The following PBX3 variants were observed in gnomAD, a reference collection of about 807,000 sequenced individuals.
PBX3 encodes pre-B-cell leukemia transcription factor 3.
A neutral mutation model predicts 48.5 loss-of-function variants in PBX3; 14 were observed. That is an observed-to-expected ratio of 0.29 (90% CI 0.19 to 0.45). PBX3 has a LOEUF of 0.45. Among genes scored for constraint, PBX3 ranks in the 20% least tolerant of loss-of-function variants. The pLI, the probability that PBX3 is intolerant of heterozygous loss-of-function variation, is 1.00. For missense variants in PBX3, 386 were observed against 546.7 expected, an observed-to-expected ratio of 0.71 and a Z score of 2.93; for synonymous variants, 210 against 200.3, an observed-to-expected ratio of 1.05 and a Z score of -0.41.
At chr9:125,768,711 T>C (rs1035848687) in intron 2 of PBX3, among the ~76,000 whole-genome samples, 3 of 152,212 alleles carry the variant, frequency 2.0e-5, no homozygotes, top group Admixed American at 1.3e-4. Context: ...TGAAGAAATA[T>C]CTGGCCTCAT....
intron 2 of PBX3, among the ~76,000 whole-genome samples, chr9:125,870,888 A>G (rs1840105596): frequency 6.6e-6 from 1 of 152,174 alleles, no homozygotes. Flanking sequence ...AGTTTTGCTG[A>G]GGGTGTGGAG....
chr9:125,921,339 C>T (rs1841452962), intron 3 of PBX3, among the ~76,000 whole-genome samples: 1 of 150,968 alleles, frequency 6.6e-6, no homozygotes. Context: ...TTTTTTTCAA[C>T]TTCTTTGGAA....
At chr9:125,876,802 CTTTT>C (rs59596389) in intron 2 of PBX3, among the ~76,000 whole-genome samples, 51 of 128,952 alleles carry the variant, frequency 4.0e-4, no homozygotes, top group East Asian at 1.1e-3. Context: ...TTCTTTCTTT[CTTTT>C]TTTTTTTTTT....
At chr9:125,953,005 C>CT (rs1842224920) in intron 5 of PBX3, among the ~76,000 whole-genome samples, 1 of 151,526 alleles carries the variant, frequency 6.6e-6, no homozygotes, top group Non-Finnish European at 1.5e-5. Context: ...AAAAAAAAGA[C>CT]TCATGGTGTA....
intron 2 of PBX3, among the ~76,000 whole-genome samples, chr9:125,811,457 T>G (rs1294923265): frequency 1.3e-5 from 2 of 152,116 alleles, no homozygotes; most frequent in Non-Finnish European, 2.9e-5. Context: ...CTCATGATAG[T>G]GAATGGGTTC....
At chr9:125,867,582 G>T (rs1273034309) in intron 2 of PBX3, among the ~76,000 whole-genome samples, 1 of 148,024 alleles carries the variant, frequency 6.8e-6, no homozygotes, top group African/African-American at 2.5e-5. Context: ...GGAGGTTGCA[G>T]TGAGCCGAGA....
intron 2 of PBX3, among the ~76,000 whole-genome samples, chr9:125,778,537 G>T (rs1024256222): frequency 1.3e-5 from 2 of 151,584 alleles, no homozygotes; most frequent in African/African-American, 4.8e-5. Context: ...GATTACAGGC[G>T]TGAGCCACTG....
intron 2 of PBX3, among the ~76,000 whole-genome samples, chr9:125,861,289 A>G (rs1007420581): frequency 2.6e-5 from 4 of 151,786 alleles, no homozygotes; most frequent in African/African-American, 7.3e-5. Context: ...ATAAAGTGAG[A>G]CCCTGTCTCC....
intron 4 of PBX3, among the ~76,000 whole-genome samples, chr9:125,930,567 C>G (rs989141945): frequency 6.6e-6 from 1 of 152,178 alleles, no homozygotes; most frequent in African/African-American, 2.4e-5. Context: ...TTTTGTTTTT[C>G]TTTCTTCTCC....
At chr9:125,853,541 A>G (rs751755735) in intron 2 of PBX3, among the ~76,000 whole-genome samples, 1 of 152,210 alleles carries the variant, frequency 6.6e-6, no homozygotes, top group Non-Finnish European at 1.5e-5. Context: ...CTGACCCGGG[A>G]TGCCACAAAT....
In PBX3 at chr9:125,792,056, A is replaced by ACG. The variant is rs1588150193; in HGVS notation, c.274+43435_274+43436dup. On this transcript the variant is annotated intron_variant, in intron 2 of 8. Transcript: ENST00000373489. ...ACTACACACACACACGCACGCACGC[A>ACG]CGCACGCACGCACGCACGCATATAA... Among the ~76,000 whole-genome samples, 4 of 149,364 alleles carry ACG rather than the reference A, an allele frequency of 2.7e-5. No homozygotes were observed. In the South Asian group the frequency reaches 8.4e-4, roughly 31 times the overall value.
chr9:125,894,052 T>C (rs1323022879), intron 2 of PBX3, among the ~76,000 whole-genome samples: 1 of 152,184 alleles, frequency 6.6e-6, no homozygotes, highest in African/African-American at 2.4e-5. Flanking sequence ...TGGCTACATA[T>C]AGTTGCACAA....
intron 5 of PBX3, among the ~76,000 whole-genome samples, chr9:125,953,332 C>G (rs933233316): frequency 1.9e-4 from 29 of 152,022 alleles, no homozygotes; most frequent in African/African-American, 7.0e-4. Context: ...TAAAAATTAG[C>G]CGGCCGTAGT....
chr9:125,869,336 T>C (rs975353246), intron 2 of PBX3, among the ~76,000 whole-genome samples: 6 of 152,116 alleles, frequency 3.9e-5, no homozygotes, highest in African/African-American at 1.4e-4. Flanking sequence ...ATTAAAAAAT[T>C]GGAGAAGAAG....
intron 2 of PBX3, chr9:125,749,636 G>A (rs1414033366): frequency 6.6e-6 from 1 of 150,920 alleles, no homozygotes; most frequent in South Asian, 2.1e-4. Context: ...AGGCAAAGGA[G>A]AAAAAGTTGA....
Position 125,787,996 on chromosome 9 carries a change from T to C in PBX3, c.274+39373T>C, listed in dbSNP as rs1837502492. 1.3e-5 allele frequency among the ~76,000 whole-genome samples: 2 copies of C among 152,190 alleles called. 1 individual carries two copies. Among genetic ancestry groups the C allele is most frequent in the South Asian group, 4.1e-4 (2 of 4,834 alleles). Reference sequence around the variant, plus strand: ...GCTAGGTTGTTGGTTGAATATCTTATATGCTCCCTGAAGCCAGACTCATGG... The same window carrying C: ...GCTAGGTTGTTGGTTGAATATCTTACATGCTCCCTGAAGCCAGACTCATGG... On this transcript the variant is annotated intron_variant, in intron 2 of 8. Coordinates refer to ENST00000373489, the MANE Select transcript of PBX3 (RefSeq NM_006195.6).
At chr9:125,825,382 G>C (rs1838778665) in intron 2 of PBX3, among the ~76,000 whole-genome samples, 1 of 151,540 alleles carries the variant, frequency 6.6e-6, no homozygotes, top group Admixed American at 6.6e-5. Context: ...AATTTTATTA[G>C]TTTATTTTAA....
chr9:125,948,780 A>G (rs1368652765), intron 5 of PBX3, among the ~76,000 whole-genome samples: 1 of 152,070 alleles, frequency 6.6e-6, no homozygotes. Flanking sequence ...ATCTACAAAC[A>G]CATTATCTAT....
At chr9:125,758,722 G>C (rs1464672118) in intron 2 of PBX3, among the ~76,000 whole-genome samples, 1 of 152,036 alleles carries the variant, frequency 6.6e-6, no homozygotes, top group Admixed American at 6.6e-5. Context: ...CTCCCCTCCA[G>C]AAGATTCCAT....
Sources: gnomAD v4.1 joint callset for allele counts (sites outside exome capture counted in the v4.1 genomes callset) on GRCh38, gnomAD v4.1.1 for gene constraint, MANE v1.5 for transcripts, NCBI Gene and HGNC (gene_info 2026-07-23, HGNC 2026-07-21) for gene names.